The following PAX5 variants were observed in gnomAD, a reference collection of about 807,000 sequenced individuals.
The protein encoded by PAX5 is paired box protein Pax-5.
A neutral mutation model predicts 43.7 loss-of-function variants in PAX5; 9 were observed. That is an observed-to-expected ratio of 0.21 (90% CI 0.12 to 0.36). PAX5 has a LOEUF of 0.36. Ranked by LOEUF, PAX5 falls within the 10% of genes least tolerant of loss-of-function variation. The probability of loss-of-function intolerance (pLI) is 1.00; values close to 1 mark genes in which losing one functional copy is unlikely to be tolerated. For missense variants in PAX5, 383 were observed against 532.7 expected (o/e 0.72, Z 2.77); for synonymous variants, 228 against 214.3 (o/e 1.06, Z -0.56).
At chr9:36,925,649 A>G (rs1054139789) in intron 6 of PAX5, among the ~76,000 whole-genome samples, 7 of 152,190 alleles carry the variant, frequency 4.6e-5, no homozygotes, top group African/African-American at 1.7e-4. Flanking sequence ...CACAAAAATC[A>G]ATTCCAGGTG....
intron 9 of PAX5, among the ~76,000 whole-genome samples, chr9:36,843,638 TAGG>T (rs1412916487): frequency 9.9e-5 from 15 of 152,258 alleles, no homozygotes; most frequent in Non-Finnish European, 2.1e-4. Flanking sequence ...GATTCTGCAG[TAGG>T]AGGCCTGCTT....
chr9:36,950,735 C>CTTTT (rs55801947), intron 6 of PAX5, among the ~76,000 whole-genome samples: 5 of 116,636 alleles, frequency 4.3e-5, no homozygotes, highest in Non-Finnish European at 9.3e-5. Context: ...ACTGAGTTTT[C>CTTTT]TTTTTTTTTT....
intron 5 of PAX5, among the ~76,000 whole-genome samples, chr9:36,998,490 C>T (rs1285392104): frequency 6.6e-6 from 1 of 152,240 alleles, no homozygotes; most frequent in Non-Finnish European, 1.5e-5. Context: ...AGGAATGTGA[C>T]TGATCCACTC....
chr9:36,904,277 G>A (rs1464589884), intron 7 of PAX5, among the ~76,000 whole-genome samples: 1 of 152,134 alleles, frequency 6.6e-6, no homozygotes, highest in East Asian at 1.9e-4. Flanking sequence ...TCTGGGGGAA[G>A]AGCTCCCTAG....
chr9:36,896,829 C>T (rs1466303135), intron 7 of PAX5, among the ~76,000 whole-genome samples: 1 of 152,202 alleles, frequency 6.6e-6, no homozygotes, highest in Non-Finnish European at 1.5e-5. Flanking sequence ...AGGGACGCCA[C>T]TAAACAGGGA....
intron 5 of PAX5, among the ~76,000 whole-genome samples, chr9:36,984,330 A>C (rs1836192722): frequency 6.6e-6 from 1 of 151,500 alleles, no homozygotes; most frequent in Non-Finnish European, 1.5e-5. Context: ...TCTGCCAACT[A>C]GTAGAGCAGT....
At chr9:36,899,537 G>C (rs939253814) in intron 7 of PAX5, among the ~76,000 whole-genome samples, 7 of 152,306 alleles carry the variant, frequency 4.6e-5, no homozygotes, top group East Asian at 3.9e-4. Context: ...CATAAGGACA[G>C]GAGGCTTTTT....
chr9:37,029,584 G>A (rs914131978), intron 1 of PAX5, among the ~76,000 whole-genome samples: 1 of 152,258 alleles, frequency 6.6e-6, no homozygotes, highest in African/African-American at 2.4e-5. Context: ...GGATGGAATA[G>A]ACTTCCTGCA....
intron 5 of PAX5, among the ~76,000 whole-genome samples, chr9:37,000,203 G>A (rs1003362649): frequency 3.3e-5 from 5 of 152,272 alleles, no homozygotes; most frequent in East Asian, 1.9e-4. Context: ...CAATACCCCC[G>A]ACAGACACTT....
At chr9:36,856,270 T>C (rs1198924333) in intron 8 of PAX5, among the ~76,000 whole-genome samples, 1 of 152,146 alleles carries the variant, frequency 6.6e-6, no homozygotes, top group Non-Finnish European at 1.5e-5. Context: ...GAAACACCAG[T>C]CCCGATCTTT....
intron 7 of PAX5, among the ~76,000 whole-genome samples, chr9:36,899,562 G>A (rs963925575): frequency 7.2e-5 from 11 of 151,940 alleles, no homozygotes; most frequent in South Asian, 2.1e-4. Flanking sequence ...GAGCCCAATC[G>A]GTGTTACTTT....
At chr9:36,910,064 C>T (rs1829139674) in intron 7 of PAX5, among the ~76,000 whole-genome samples, 1 of 151,960 alleles carries the variant, frequency 6.6e-6, no homozygotes, top group South Asian at 2.1e-4. Flanking sequence ...CTCAAGCAAT[C>T]CACCCTCTTA....
At chr9:36,980,963 G>A (rs947893250) in intron 5 of PAX5, among the ~76,000 whole-genome samples, 23 of 151,498 alleles carry the variant, frequency 1.5e-4, no homozygotes, top group Middle Eastern at 3.2e-3. Context: ...TTCTGACCTC[G>A]TTTCCTCCCA....
Position 36,966,505 on chromosome 9 carries a change from G to A in PAX5, c.780+44C>T, listed in dbSNP as rs373579522. ...TGCCTTCAGGAACCTGGCTGGGCCG[G>A]TGTGGCGGTGGCAGGTGTGGTGGGC... On this transcript the variant is annotated intron_variant, in intron 6 of 9. Coordinates refer to ENST00000358127, the MANE Select transcript of PAX5 (RefSeq NM_016734.3). The A allele has an allele frequency of 3.0e-5, 48 of 1,588,424 alleles. No homozygotes were observed. In the African/African-American group the frequency reaches 5.6e-4, roughly 19 times the overall value.
chr9:37,020,372 C>T (rs1406694107), intron 2 of PAX5, among the ~76,000 whole-genome samples: 5 of 152,190 alleles, frequency 3.3e-5, no homozygotes, highest in Admixed American at 2.6e-4. Flanking sequence ...ACGTCTTACT[C>T]TTGAGTTCTT....
chr9:36,906,318 A>G (rs935955834), intron 7 of PAX5, among the ~76,000 whole-genome samples: 9 of 152,164 alleles, frequency 5.9e-5, no homozygotes, highest in African/African-American at 1.9e-4. Context: ...AGATTTTAGA[A>G]ACAGGGGCAA....
At chr9:36,951,102 G>A (rs1832970912) in intron 6 of PAX5, among the ~76,000 whole-genome samples, 1 of 152,150 alleles carries the variant, frequency 6.6e-6, no homozygotes, top group African/African-American at 2.4e-5. Context: ...ACATATTTGG[G>A]GGTAGGGAAG....
In PAX5 at chr9:37,006,543, G is replaced by C; in HGVS notation, c.411-6C>G. ...GTACTTTTGTCCGGATGATCCTGTG[G>C]GCAGTTGAAAAACAAAATTGCTATT... On this transcript the variant is annotated splice_region_variant and splice_polypyrimidine_tract_variant and intron_variant, in intron 3 of 9. Coordinates refer to ENST00000358127, the MANE Select transcript of PAX5 (RefSeq NM_016734.3). 1 of 1,613,776 alleles carries C rather than the reference G, an allele frequency of 6.2e-7. No homozygotes were observed. The highest frequency in any genetic ancestry group is 8.5e-7 in the Non-Finnish European group (1 of 1,179,708).
At chr9:36,851,696 T>C (rs1823172586) in intron 8 of PAX5, among the ~76,000 whole-genome samples, 1 of 152,136 alleles carries the variant, frequency 6.6e-6, no homozygotes, top group African/African-American at 2.4e-5. Context: ...GAGAAAGGCA[T>C]GGTGGGGCCA....
Sources: gnomAD v4.1 joint callset for allele counts (sites outside exome capture counted in the v4.1 genomes callset) on GRCh38, gnomAD v4.1.1 for gene constraint, MANE v1.5 for transcripts, NCBI Gene and HGNC (gene_info 2026-07-23, HGNC 2026-07-21) for gene names.